TBC1D21: variants seen among roughly 807,000 people sequenced by gnomAD.
The protein encoded by TBC1D21 is TBC1 domain family member 21.
TBC1D21 carries 38 observed loss-of-function variants against 46.0 expected under a neutral mutation model. The observed-to-expected ratio is 0.83, with a 90% confidence interval of 0.64 to 1.08. TBC1D21 has a LOEUF of 1.08. Among genes scored for constraint, TBC1D21 ranks in the 50% least tolerant of loss-of-function variants. The pLI is 0.00. For synonymous variants in TBC1D21, 151 were observed against 157.2 expected (o/e 0.96, Z 0.29); for missense variants, 415 against 417.9 (o/e 0.99, Z 0.06).
the TBC1D21 span, among the ~76,000 whole-genome samples, chr15:73,902,644 C>T: frequency 2.0e-5 from 3 of 152,338 alleles, no homozygotes; most frequent in East Asian, 1.9e-4. Flanking sequence ...ATGCCTGCCT[C>T]TCCCCTCGAC....
Position 73,881,398 on chromosome 15 carries a change from G to A in TBC1D21, c.61-1G>A. The A allele has an allele frequency of 6.2e-7, 1 of 1,613,716 alleles. No individual in the cohort carries two copies. Among genetic ancestry groups the A allele is most frequent in the Non-Finnish European group, 8.5e-7 (1 of 1,179,704 alleles). ...GCAGAACTGGTTGCTGCTTTTGCCA[G>A]GTGAAGAGAAAACCACCCATTGACA... On this transcript the variant is annotated splice_acceptor_variant, in intron 1 of 10. Transcript: ENST00000300504. LOFTEE classifies it high-confidence loss of function.
intron 3 of TBC1D21, among the ~76,000 whole-genome samples, chr15:73,882,737 A>G (rs1377016471): frequency 6.6e-6 from 1 of 152,208 alleles, no homozygotes; most frequent in Non-Finnish European, 1.5e-5. Flanking sequence ...TCTATTTCAC[A>G]GAGTGGTTGT....
chr15:73,909,492 G>A, the TBC1D21 span, among the ~76,000 whole-genome samples: 2 of 152,214 alleles, frequency 1.3e-5, no homozygotes, highest in African/African-American at 2.4e-5. Flanking sequence ...AGAGATGAAG[G>A]ACAGAGTTTC....
rs771578840 is a variant in TBC1D21 at position 73,888,522 on chromosome 15, C to A, written c.978+9C>A. 1.2e-6 allele frequency: 2 copies of A among 1,612,098 alleles called. No homozygotes were observed. Among genetic ancestry groups the A allele is most frequent in the Non-Finnish European group, 1.7e-6 (2 of 1,178,534 alleles). On this transcript the variant is annotated intron_variant, in intron 10 of 10. Transcript: ENST00000300504. ...AGCTCATCCAGAAGGATGTAAGTTG[C>A]CCCAATGATGTGTCCTCCTCCTCCT... is the stretch of plus-strand genomic sequence containing the variant.
chr15:73,888,642 TTCTTCCTCCTCCTCTTCTTCCTCCTCC>T (rs1567070421), intron 10 of TBC1D21, 129 bp downstream of exon 10: 31 of 677,600 alleles, frequency 4.6e-5, no homozygotes, highest in African/African-American at 4.5e-4. Context: ...CCTCCTCTTC[TTCTTCCTCCTCCTCTTCTTCCTCCTCC>T]TCTTCCTCCT....
downstream of TBC1D21, among the ~76,000 whole-genome samples, chr15:73,893,705 C>T (rs537896175): frequency 7.1e-4 from 108 of 152,312 alleles, 1 homozygote; most frequent in Non-Finnish European, 1.1e-3. Flanking sequence ...GCTTTTGCAC[C>T]TACCCTCAGG....
chr15:73,887,768 T>C, intron 9 of TBC1D21, 32 bp downstream of exon 9: 1 of 1,586,616 alleles, frequency 6.3e-7, no homozygotes, highest in Non-Finnish European at 8.6e-7. Context: ...CTACCACCCC[T>C]GCTCCTGGAG....
chr15:73,881,674 T>C lies in TBC1D21; in HGVS notation c.199T>C (p.Trp67Arg), dbSNP rs149010410. ...GCACCCCTTCGTGAGGACTGAAGCC[T>C]GGAAATTCCTCACGGGCTACTTCTC... ...GLHPFVRTEAWKFLTGYFSWQ... is the reference protein window; with the variant it reads ...GLHPFVRTEARKFLTGYFSWQ... The change falls in exon 3 of 11, where the codon TGG (tryptophan) becomes CGG (arginine). Residue 67 changes from tryptophan to arginine, a missense_variant. Coordinates refer to ENST00000300504, the MANE Select transcript of TBC1D21 (RefSeq NM_153356.3). 1 of 1,592,434 alleles carries C rather than the reference T, an allele frequency of 6.3e-7. No individual in the cohort carries two copies. Among genetic ancestry groups the C allele is most frequent in the Non-Finnish European group, 8.6e-7 (1 of 1,167,092 alleles).
At chr15:73,876,227 T>TG (rs1365259482) in intron 1 of TBC1D21, among the ~76,000 whole-genome samples, 1 of 27,456 alleles carries the variant, frequency 3.6e-5, no homozygotes, top group African/African-American at 1.7e-4. Context: ...TTTTTTTTTT[T>TG]TTTTTTTTTT....
At chr15:73,900,122 G>A in the TBC1D21 span, among the ~76,000 whole-genome samples, 9 of 152,186 alleles carry the variant, frequency 5.9e-5, no homozygotes, top group East Asian at 5.8e-4. Flanking sequence ...ATCACCACCC[G>A]TTCTCTGCCC....
chr15:73,899,835 G>C, the TBC1D21 span, among the ~76,000 whole-genome samples: 1 of 152,168 alleles, frequency 6.6e-6, no homozygotes, highest in Non-Finnish European at 1.5e-5. Flanking sequence ...AGTAAGTGGG[G>C]TAATTAAAAA....
the TBC1D21 span, among the ~76,000 whole-genome samples, chr15:73,898,902 T>TATATATATATATATATATATAA: frequency 8.9e-6 from 1 of 112,886 alleles, no homozygotes; most frequent in African/African-American, 3.2e-5. Context: ...TATATATATA[T>TATATATATATATATATATATAA]ACACACACAC....
At chr15:73,887,493 T>C (rs2068268358) in intron 8 of TBC1D21, 127 bp from the exon 9 acceptor site, 8 of 737,004 alleles carry the variant, frequency 1.1e-5, no homozygotes, top group Non-Finnish European at 1.9e-5. Flanking sequence ...AATGATTGAA[T>C]GAGCAAGTCA....
intron 6 of TBC1D21, 137 bp from the exon 7 acceptor site, chr15:73,885,941 A>G: frequency 3.0e-6 from 2 of 663,294 alleles, no homozygotes; most frequent in Non-Finnish European, 2.7e-6. Context: ...ACACACACTC[A>G]GACTCATAGA....
At chr15:73,885,805 TACACACACATACACAC>T (rs2068234086) in intron 6 of TBC1D21, among the ~76,000 whole-genome samples, 1 of 106,906 alleles carries the variant, frequency 9.4e-6, no homozygotes, top group Non-Finnish European at 2.1e-5. Context: ...GAATCTCTAC[TACACACACATACACAC>T]ACACACACAC....
At chr15:73,876,199 GTTTTTTT>G (rs539517539) in intron 1 of TBC1D21, among the ~76,000 whole-genome samples, 978 of 28,272 alleles carry the variant, frequency 0.035, 1 homozygote, top group Non-Finnish European at 0.14. Flanking sequence ...TTTTTTGTGG[GTTTTTTT>G]TTTTTTTTTT....
At chr15:73,903,031 C>G in the TBC1D21 span, among the ~76,000 whole-genome samples, 1 of 152,216 alleles carries the variant, frequency 6.6e-6, no homozygotes. Flanking sequence ...CCAGTCCCAG[C>G]GACCGTGCAA....
the TBC1D21 span, among the ~76,000 whole-genome samples, chr15:73,896,307 G>T: frequency 3.0e-5 from 2 of 67,602 alleles, no homozygotes; most frequent in Admixed American, 1.8e-4. Flanking sequence ...GAGGTGAGGG[G>T]TGGAAGTCAT....
chr15:73,898,880 A>AAAAAAAAAAAAAATAT, the TBC1D21 span, among the ~76,000 whole-genome samples: 8 of 56,800 alleles, frequency 1.4e-4, no homozygotes, highest in East Asian at 7.3e-4. Context: ...AAAAAAAAAA[A>AAAAAAAAAAAAAATAT]ATATATATAT....
Sources: allele counts gnomAD v4.1 joint callset (sites outside exome capture counted in the v4.1 genomes callset), GRCh38; gene constraint gnomAD v4.1.1; transcripts MANE v1.5; gene names NCBI Gene and HGNC (gene_info 2026-07-23, HGNC 2026-07-21).